FAM184B: variants seen among roughly 807,000 people sequenced by gnomAD.
FAM184B encodes protein FAM184B.
FAM184B carries 111 observed loss-of-function variants against 135.9 expected under a neutral mutation model. The observed-to-expected ratio is 0.82, with a 90% confidence interval of 0.70 to 0.96. The LOEUF is 0.96. Among genes scored for constraint, FAM184B ranks in the 40% least tolerant of loss-of-function variants. FAM184B has a pLI of 0.00. For missense variants in FAM184B, 1,375 were observed against 1,323.9 expected (o/e 1.04, Z -0.60); for synonymous variants, 552 against 524.8 (o/e 1.05, Z -0.71).
At chr4:17,721,402 A>AAAAAAAAAAAAAAAAAAAC in intron 1 of FAM184B, among the ~76,000 whole-genome samples, 1 of 150,198 alleles carries the variant, frequency 6.7e-6, no homozygotes, top group Non-Finnish European at 1.5e-5. Context: ...AAAAAAAAAA[A>AAAAAAAAAAAAAAAAAAAC]AAAATCTCTT....
Position 17,696,690 on chromosome 4 carries a change from G to A in FAM184B, c.1378-3278C>T, listed in dbSNP as rs906085748. On this transcript the variant is annotated intron_variant, in intron 5 of 17. Transcript: ENST00000265018. Reference sequence around the variant, plus strand: ...TAGCTGGGCTTGTTGGCATGTACCTGTAGTCTTAGCTACTCAGGGGGCCGA... The same window carrying A: ...TAGCTGGGCTTGTTGGCATGTACCTATAGTCTTAGCTACTCAGGGGGCCGA... Among the ~76,000 whole-genome samples the A allele has an allele frequency of 3.3e-5, 5 of 152,092 alleles. No individual in the cohort carries two copies. In the South Asian group the frequency reaches 1.0e-3, roughly 31 times the overall value.
intron 1 of FAM184B, among the ~76,000 whole-genome samples, chr4:17,739,296 C>G (rs542676337): frequency 6.6e-6 from 1 of 152,252 alleles, no homozygotes; most frequent in Non-Finnish European, 1.5e-5. Context: ...AGAGGAATCT[C>G]AAGTCTTGTC....
At chr4:17,742,515 CA>C (rs1433270346) in intron 1 of FAM184B, among the ~76,000 whole-genome samples, 3 of 152,100 alleles carry the variant, frequency 2.0e-5, no homozygotes, top group African/African-American at 7.2e-5. Flanking sequence ...TTTTTCTGCG[CA>C]AATGTTGCCT....
chr4:17,752,912 C>T (rs1445373735), intron 1 of FAM184B, among the ~76,000 whole-genome samples: 1 of 152,228 alleles, frequency 6.6e-6, no homozygotes, highest in Non-Finnish European at 1.5e-5. Context: ...GTTTGATTGA[C>T]ACCCAAGTTT....
In FAM184B at chr4:17,705,046, T is replaced by G. The variant is rs1421173905; in HGVS notation, c.1331A>C (p.Lys444Thr). 1.9e-6 allele frequency: 3 copies of G among 1,551,756 alleles called. No homozygotes were observed. The highest frequency in any genetic ancestry group is 2.6e-6 in the Non-Finnish European group (3 of 1,147,000). Residue 444 changes from lysine (K) to threonine (T), a missense_variant, in exon 5 of 18, where the codon AAA becomes ACA. Lys to Thr is a moderately conservative substitution (Grantham distance 78, BLOSUM62 -1). Coordinates refer to ENST00000265018, the MANE Select transcript of FAM184B (RefSeq NM_015688.2). ...AGCCTCCACGGACGAGCGAACGGAT[T>G]TGATTTCCACGGTGTGCTTCTTTAC... ...DLVKKHTVEI[K>T]SVRSSVEAER...
At chr4:17,763,078 T>C (rs964796668) in intron 1 of FAM184B, among the ~76,000 whole-genome samples, 3 of 152,306 alleles carry the variant, frequency 2.0e-5, no homozygotes, top group East Asian at 3.9e-4. Context: ...GGGATGTTCA[T>C]TTCTTAGTGC....
intron 1 of FAM184B, among the ~76,000 whole-genome samples, chr4:17,739,707 A>G (rs1480989545): frequency 6.6e-6 from 1 of 151,710 alleles, no homozygotes; most frequent in East Asian, 1.9e-4. Context: ...GGCACCCGCC[A>G]TGATGTTCAA....
chr4:17,754,476 G>A (rs950759876), intron 1 of FAM184B, among the ~76,000 whole-genome samples: 3 of 151,342 alleles, frequency 2.0e-5, no homozygotes, highest in South Asian at 2.1e-4. Context: ...GCTTGAACCC[G>A]GGAGGCGGAG....
chr4:17,647,297 G>T lies in FAM184B; in HGVS notation c.2346+340C>A, dbSNP rs1029160598. Among the ~76,000 whole-genome samples the T allele has an allele frequency of 2.7e-5, 4 of 148,542 alleles. No individual in the cohort carries two copies. The Admixed American group carries it at 2.7e-4, about 10-fold the overall frequency. On this transcript the variant is annotated intron_variant, in intron 12 of 17. Transcript: ENST00000265018. ...AGACAGGGTCTTGCTATGTTGCCCA[G>T]GCTAGAGTACTGTGGCACAATCATA...
intron 1 of FAM184B, among the ~76,000 whole-genome samples, chr4:17,742,163 TA>T (rs869109987): frequency 7.5e-3 from 31 of 4,130 alleles, no homozygotes; most frequent in African/African-American, 0.012. Flanking sequence ...TATATATATA[TA>T]TATATTTTTT....
intron 1 of FAM184B, among the ~76,000 whole-genome samples, chr4:17,712,661 G>C (rs1024608869): frequency 6.6e-6 from 1 of 152,130 alleles, no homozygotes; most frequent in Non-Finnish European, 1.5e-5. Flanking sequence ...CAGGGATCCT[G>C]GGGGAGGCTG....
intron 7 of FAM184B, among the ~76,000 whole-genome samples, chr4:17,676,158 T>C (rs1716305660): frequency 6.6e-6 from 1 of 152,208 alleles, no homozygotes; most frequent in South Asian, 2.1e-4. Context: ...GATATGCAAC[T>C]CTTCTTTTCA....
At chr4:17,753,551 G>A (rs1006134525) in intron 1 of FAM184B, among the ~76,000 whole-genome samples, 1 of 152,090 alleles carries the variant, frequency 6.6e-6, no homozygotes, top group Non-Finnish European at 1.5e-5. Flanking sequence ...CACTTATTAA[G>A]TACTAGATTA....
intron 1 of FAM184B, among the ~76,000 whole-genome samples, chr4:17,732,143 C>T (rs1267836789): frequency 6.6e-6 from 1 of 152,088 alleles, no homozygotes; most frequent in African/African-American, 2.4e-5. Flanking sequence ...CCAACAAGAA[C>T]AAAGACACAA....
intron 3 of FAM184B, among the ~76,000 whole-genome samples, chr4:17,706,743 G>T (rs1169607478): frequency 1.3e-5 from 2 of 152,030 alleles, no homozygotes; most frequent in Non-Finnish European, 2.9e-5. Context: ...CCAAGGTGAG[G>T]GGATCACTTG....
intron 5 of FAM184B, among the ~76,000 whole-genome samples, chr4:17,703,111 A>C (rs1393933035): frequency 2.0e-5 from 3 of 152,196 alleles, no homozygotes; most frequent in Non-Finnish European, 2.9e-5. Context: ...TGTTGGAAAG[A>C]CTAAATGTGT....
At chr4:17,715,616 A>G (rs1381812347) in intron 1 of FAM184B, among the ~76,000 whole-genome samples, 1 of 152,216 alleles carries the variant, frequency 6.6e-6, no homozygotes, top group African/African-American at 2.4e-5. Flanking sequence ...GTATATTTGA[A>G]AATTGCTAAG....
intron 2 of FAM184B, among the ~76,000 whole-genome samples, 183 bp downstream of exon 2, chr4:17,708,709 A>ATATATATATATATG (rs3066655): frequency 7.7e-5 from 3 of 38,840 alleles, no homozygotes; most frequent in Admixed American, 3.5e-4. Flanking sequence ...ATATATATAT[A>ATATATATATATATG]GTGTCTGTGT....
At chr4:17,737,768 T>C (rs1481149925) in intron 1 of FAM184B, among the ~76,000 whole-genome samples, 1 of 152,172 alleles carries the variant, frequency 6.6e-6, no homozygotes, top group African/African-American at 2.4e-5. Context: ...CTCTATCTTC[T>C]TGAGCATTAT....
Sources: allele counts gnomAD v4.1 joint callset (sites outside exome capture counted in the v4.1 genomes callset), GRCh38; gene constraint gnomAD v4.1.1; transcripts MANE v1.5; gene names NCBI Gene and HGNC (gene_info 2026-07-23, HGNC 2026-07-21).